Variants in FBN3 observed in about 807,000 individuals in gnomAD.
FBN3 encodes the protein fibrillin 3, also known as fibrillin-3.
In FBN3, 234 loss-of-function variants were observed where a neutral mutation model predicts 330.1. The ratio of observed to expected loss-of-function variants is 0.71; its 90% CI spans 0.64 to 0.79. The LOEUF (loss-of-function observed/expected upper bound fraction) is 0.79. Ranked by LOEUF, FBN3 falls within the 30% of genes least tolerant of loss-of-function variation. The probability of loss-of-function intolerance (pLI) is 0.00; values close to 1 mark genes in which losing one functional copy is unlikely to be tolerated. For missense variants in FBN3, 3,606 were observed against 3,886.9 expected (o/e 0.93, Z 1.92); for synonymous variants, 1,458 against 1,517.3 (o/e 0.96, Z 0.91).
intron 8 of FBN3, among the ~76,000 whole-genome samples, chr19:8,141,188 C>T (rs542975049): frequency 1.0e-3 from 119 of 116,058 alleles, no homozygotes; most frequent in Non-Finnish European, 1.7e-3. Flanking sequence ...GAGCGAGACT[C>T]CGTCTCAAAA....
At chr19:8,118,268 A>T (rs759291781) in intron 26 of FBN3, among the ~76,000 whole-genome samples, 83 of 150,492 alleles carry the variant, frequency 5.5e-4, no homozygotes, top group Non-Finnish European at 4.9e-4. Flanking sequence ...ATTCTCTTAC[A>T]CACACACACA....
chr19:8,066,740 G>A (rs752890716), intron 63 of FBN3, among the ~76,000 whole-genome samples: 11 of 151,230 alleles, frequency 7.3e-5, no homozygotes, highest in Admixed American at 2.6e-4. Flanking sequence ...TTAGCTGGGC[G>A]TGGTGGCGGG....
intron 13 of FBN3, 25 bp downstream of exon 13, chr19:8,135,936 G>GGGGGGGGGGGGGGGGCGCCC: frequency 1.5e-6 from 1 of 668,776 alleles, no homozygotes; most frequent in Non-Finnish European, 2.4e-6. Context: ...GGAAGCCCCT[G>GGGGGGGGGGGGGGGGCGCCC]CCCACCCGCC....
At chr19:8,098,292 G>C (rs1304774829) in intron 41 of FBN3, among the ~76,000 whole-genome samples, 1 of 152,008 alleles carries the variant, frequency 6.6e-6, no homozygotes. Flanking sequence ...TCCATCAGTA[G>C]GGGACTGGAA....
rs1274323919 is a variant in FBN3 at position 8,130,607 on chromosome 19, A to G, written c.2044+628T>C. ...ATGAAAGAAAGAAAGAAAGAAAGAA[A>G]GAAAGAAAGAAAGAAAGAAAGAAAG... is the stretch of plus-strand genomic sequence containing the variant. On this transcript the variant is annotated intron_variant, in intron 16 of 63. Coordinates refer to ENST00000600128, the MANE Select transcript of FBN3 (RefSeq NM_032447.5). Among the ~76,000 whole-genome samples the G allele has an allele frequency of 7.6e-3, 115 of 15,108 alleles. 22 individuals are homozygous for G. Among genetic ancestry groups the G allele is most frequent in the Admixed American group, 8.6e-3 (19 of 2,220 alleles). 9.9% of individuals were successfully genotyped at this position (15,108 alleles called of 152,430 possible). A position where few individuals can be genotyped will look rare whatever the true frequency, so the allele number is the denominator to read the frequency against.
chr19:8,071,607 A>C (rs753387225), intron 63 of FBN3, among the ~76,000 whole-genome samples: 37 of 149,606 alleles, frequency 2.5e-4, no homozygotes, highest in Non-Finnish European at 4.2e-4. Context: ...AAGGCCACTT[A>C]GGGCCCCATT....
At position 8,147,412 on chromosome 19, in the gene FBN3, C is replaced by G. The variant is rs2083576396; in HGVS notation, c.69G>C (p.Leu23=). 6.3e-7 allele frequency: 1 copy of G among 1,592,200 alleles called. No homozygotes were observed. The highest frequency in any genetic ancestry group is 1.8e-5 in the Admixed American group (1 of 56,522). ...GGCCTTGGCCACCTGCCATGCACAA[C>G]AGGGCCGACCAGGCCAGCAGGAGCC... ...LARLLLAWSA[L]LCMAGGQGRW... is the part of the protein sequence containing the mutation. Residue 23 remains leucine (L), a synonymous_variant, in exon 2 of 64, where the codon CTG becomes CTC. Transcript: ENST00000600128.
intron 59 of FBN3, among the ~76,000 whole-genome samples, chr19:8,077,475 C>A (rs6603136): frequency 0.62 from 94,824 of 151,738 alleles, 31,298 homozygotes; most frequent in African/African-American, 0.84. Flanking sequence ...CCCATCTCTA[C>A]TAAAAATACA....
At chr19:8,145,527 A>G (rs2083516219) in intron 5 of FBN3, among the ~76,000 whole-genome samples, 1 of 151,382 alleles carries the variant, frequency 6.6e-6, no homozygotes, top group Admixed American at 6.6e-5. Flanking sequence ...AAAAATACAA[A>G]AAAATTAGTC....
In FBN3 at chr19:8,090,189, A is replaced by C; in HGVS notation, c.6094T>G (p.Phe2032Val). ...EAGKCSVPKAFNTTKTRCCCS... is the reference protein window; with the variant it reads ...EAGKCSVPKAVNTTKTRCCCS... ...CAGCAGCGGGTCTTGGTGGTGTTGA[A>C]AGCTTTGGGCACCGAGCACTTCCCA... is the stretch of plus-strand genomic sequence containing the variant. The change falls in exon 49 of 64, where the codon TTC (phenylalanine) becomes GTC (valine). Residue 2032 changes from phenylalanine (F) to valine (V), a missense_variant. Transcript: ENST00000600128. 6.2e-7 allele frequency: 1 copy of C among 1,613,892 alleles called. No individual in the cohort carries two copies. The highest frequency in any genetic ancestry group is 8.5e-7 in the Non-Finnish European group (1 of 1,179,950).
chr19:8,130,177 C>T (rs2083091144), intron 16 of FBN3, among the ~76,000 whole-genome samples: 1 of 151,728 alleles, frequency 6.6e-6, no homozygotes, highest in Non-Finnish European at 1.5e-5. Context: ...GAATTACAGG[C>T]GTGAGCCACC....
At chr19:8,115,147 G>A (rs1392888801) in intron 30 of FBN3, among the ~76,000 whole-genome samples, 5 of 152,158 alleles carry the variant, frequency 3.3e-5, no homozygotes, top group East Asian at 1.9e-4. Flanking sequence ...GAGCCACCGC[G>A]CCCGGCCCAG....
Position 8,090,257 on chromosome 19 carries a change from G to A in FBN3, c.6032-6C>T, listed in dbSNP as rs2082064552. On this transcript the variant is annotated splice_region_variant and splice_polypyrimidine_tract_variant and intron_variant, in intron 48 of 63. Transcript: ENST00000600128. ...GCAGAAACTCTGCCGTGTGTCTGTG[G>A]GGTGGGGGCTCCATTACCCTGATTG... is the stretch of plus-strand genomic sequence containing the variant. The A allele has an allele frequency of 6.2e-7, 1 of 1,613,738 alleles. No homozygotes were observed. The highest frequency in any genetic ancestry group is 8.5e-7 in the Non-Finnish European group (1 of 1,179,954).
chr19:8,143,497 C>CTTT (rs557671451), intron 6 of FBN3, among the ~76,000 whole-genome samples: 1,838 of 126,072 alleles, frequency 0.015, 71 homozygotes, highest in African/African-American at 0.04. Context: ...CTTTTCTTTT[C>CTTT]TTTTTTTTTT....
At chr19:8,135,936 G>GCCCCCCCCCC in intron 13 of FBN3, 25 bp downstream of exon 13, 1 of 668,778 alleles carries the variant, frequency 1.5e-6, no homozygotes, top group Non-Finnish European at 2.4e-6. Flanking sequence ...GGAAGCCCCT[G>GCCCCCCCCCC]CCCACCCGCC....
At chr19:8,090,772 C>T (rs1180889210) in intron 48 of FBN3, among the ~76,000 whole-genome samples, 2 of 152,104 alleles carry the variant, frequency 1.3e-5, no homozygotes, top group Non-Finnish European at 2.9e-5. Context: ...TCATGAGCCA[C>T]CGCCCCTGGC....
At chr19:8,107,857 A>C (rs1313648343) in intron 37 of FBN3, among the ~76,000 whole-genome samples, 1 of 151,214 alleles carries the variant, frequency 6.6e-6, no homozygotes, top group African/African-American at 2.4e-5. Context: ...GATGGGTAGA[A>C]GGATGGATGA....
At chr19:8,095,628 A>C in intron 45 of FBN3, 125 bp from the exon 46 acceptor site, 1 of 975,294 alleles carries the variant, frequency 1.0e-6, no homozygotes, top group Non-Finnish European at 1.5e-6. Flanking sequence ...ACTCATGTAT[A>C]GACTATGTAT....
intron 26 of FBN3, among the ~76,000 whole-genome samples, chr19:8,118,558 TCA>T (rs1220146510): frequency 2.7e-5 from 4 of 150,568 alleles, no homozygotes; most frequent in Admixed American, 1.3e-4. Context: ...TCTTGTGTGT[TCA>T]CACAGACGCA....
Sources: allele counts gnomAD v4.1 joint callset (sites outside exome capture counted in the v4.1 genomes callset), GRCh38; gene constraint gnomAD v4.1.1; transcripts MANE v1.5; gene names NCBI Gene and HGNC (gene_info 2026-07-23, HGNC 2026-07-21).